Variants in TFAP4 observed in about 807,000 individuals in gnomAD.
TFAP4 encodes transcription factor AP-4, also known as activating enhancer-binding protein 4.
A neutral mutation model predicts 40.4 loss-of-function variants in TFAP4; 7 were observed. That is an observed-to-expected ratio of 0.17 (90% CI 0.10 to 0.33). TFAP4 has a LOEUF of 0.33. Ranked by LOEUF, TFAP4 falls within the 10% of genes least tolerant of loss-of-function variation. The pLI, the probability that TFAP4 is intolerant of heterozygous loss-of-function variation, is 1.00. For missense variants in TFAP4, 374 were observed against 451.1 expected (o/e 0.83, Z 1.55); for synonymous variants, 218 against 181.4 (o/e 1.20, Z -1.62).
chr16:4,269,821 A>G (rs1033903374), intron 1 of TFAP4, among the ~76,000 whole-genome samples: 1 of 151,766 alleles, frequency 6.6e-6, no homozygotes, highest in Non-Finnish European at 1.5e-5. Flanking sequence ...AAACAAACAA[A>G]CAAACAAACA....
At chr16:4,269,648 A>G (rs1191195533) in intron 1 of TFAP4, among the ~76,000 whole-genome samples, 5 of 151,774 alleles carry the variant, frequency 3.3e-5, no homozygotes, top group Non-Finnish European at 5.9e-5. Flanking sequence ...CGTCTGTACT[A>G]AAAATACAAA....
chr16:4,258,047 G>A lies in TFAP4; in HGVS notation c.*8C>T, dbSNP rs750531933. Reference sequence around the variant, plus strand: ...CCCCCAGAAGGGAGAGGAGGGCTGGGGGGGTAGTCAGGGAAGCTCCCCGTC... The same window carrying A: ...CCCCCAGAAGGGAGAGGAGGGCTGGAGGGGTAGTCAGGGAAGCTCCCCGTC... On this transcript the variant is annotated 3_prime_UTR_variant, in exon 7 of 7. Transcript: ENST00000204517. 2 of 1,608,666 alleles carry A rather than the reference G, an allele frequency of 1.2e-6. No homozygotes were observed. Among genetic ancestry groups the A allele is most frequent in the African/African-American group, 1.3e-5 (1 of 74,946 alleles).
rs546294800 is a variant in TFAP4, at chr16:4,261,833, C to T, written c.471G>A (p.Glu157=). 1.2e-6 allele frequency: 2 copies of T among 1,612,932 alleles called. No homozygotes were observed. Among genetic ancestry groups the T allele is most frequent in the Non-Finnish European group, 1.7e-6 (2 of 1,179,676 alleles). The change falls in exon 4 of 7, where the codon GAG becomes GAA. Residue 157 remains glutamate (E), a synonymous_variant. Transcript: ENST00000204517. ...GCTCCTTGTCCAGCTGCTGCCGCAG[C>T]TCAATCATCTCCCGCCGCAGGTCCT... ...KAEDLRREMI[E]LRQQLDKERS... is the part of the protein sequence containing the mutation.
rs1319235323 is a variant in TFAP4 at position 4,260,481 on chromosome 16, G to T, written c.640C>A (p.Arg214=). 33 of 1,601,860 alleles carry T rather than the reference G, an allele frequency of 2.1e-5. No homozygotes were observed. Among genetic ancestry groups the T allele is most frequent in the Non-Finnish European group, 2.8e-5 (33 of 1,174,694 alleles). The change falls in exon 5 of 7, where the codon CGG becomes AGG. Residue 214 remains arginine, a synonymous_variant. Coordinates refer to ENST00000204517, the MANE Select transcript of TFAP4 (RefSeq NM_003223.3). The stretch of plus-strand genomic sequence containing the variant: ...TGGGTCCGCAGCTGCTGCTGTTCCC[G>T]CTCCAGCTTCTCCTGGTGCAGCAGC... ...VRLLHQEKLE[R]EQQQLRTQLL... is the part of the protein sequence containing the mutation.
intron 1 of TFAP4, among the ~76,000 whole-genome samples, chr16:4,268,528 C>G (rs1306435137): frequency 6.6e-6 from 1 of 152,042 alleles, no homozygotes; most frequent in Non-Finnish European, 1.5e-5. Context: ...CACTCCAAAG[C>G]CTTCAATTTT....
Position 4,260,507 on chromosome 16 carries a change from C to T in TFAP4, c.614G>A (p.Arg205Lys). ...VQLQQQQEQV[R>K]LLHQEKLERE... ...CTCCAGCTTCTCCTGGTGCAGCAGC[C>T]TCACCTGTTCCTGCTGCTGCTGCAG... The change falls in exon 5 of 7, where the codon AGG becomes AAG. Residue 205 changes from arginine to lysine, a missense_variant. Coordinates refer to ENST00000204517, the MANE Select transcript of TFAP4 (RefSeq NM_003223.3). The T allele has an allele frequency of 6.2e-7, 1 of 1,609,226 alleles. No homozygotes were observed. Among genetic ancestry groups the T allele is most frequent in the African/African-American group, 1.3e-5 (1 of 74,942 alleles).
chr16:4,261,704 C>G, intron 4 of TFAP4, 75 bp downstream of exon 4: 1 of 1,446,102 alleles, frequency 6.9e-7, no homozygotes, highest in East Asian at 2.4e-5. Flanking sequence ...CCGAGGGCCG[C>G]AGAGCAAGAG....
In TFAP4 at chr16:4,257,982, C is replaced by T; in HGVS notation, c.*73G>A. 2.8e-6 allele frequency: 4 copies of T among 1,423,044 alleles called. No individual in the cohort carries two copies. Among genetic ancestry groups the T allele is most frequent in the Non-Finnish European group, 3.8e-6 (4 of 1,050,580 alleles). The allele number at this position is 1,423,044 out of a possible 1,614,324, so 88.2% of individuals were successfully genotyped here. On this transcript the variant is annotated 3_prime_UTR_variant, in exon 7 of 7. Transcript: ENST00000204517. ...ATTTTGTAAAAATTTCTCACTCATT[C>T]GCCCATGTCTCTCCCTGTGGCTGCC...
At chr16:4,269,289 C>G (rs945132838) in intron 1 of TFAP4, among the ~76,000 whole-genome samples, 2 of 151,466 alleles carry the variant, frequency 1.3e-5, no homozygotes, top group African/African-American at 4.8e-5. Flanking sequence ...GTCAGGAGAT[C>G]GAGACCATCC....
chr16:4,258,048 G>T lies in TFAP4; in HGVS notation c.*7C>A, dbSNP rs780573227. ...CCCCAGAAGGGAGAGGAGGGCTGGG[G>T]GGGTAGTCAGGGAAGCTCCCCGTCC... On this transcript the variant is annotated 3_prime_UTR_variant, in exon 7 of 7. Transcript: ENST00000204517. The T allele has an allele frequency of 6.2e-6, 10 of 1,608,684 alleles. No homozygotes were observed. The highest frequency in any genetic ancestry group is 1.3e-5 in the African/African-American group (1 of 74,952).
chr16:4,262,306 A>G lies in TFAP4; in HGVS notation c.354+18T>C, dbSNP rs768561016. ...ATGCCCATGCCAGGGAGAGGGAGCC[A>G]TGAAGGACAGGGCGCACCTGGATGA... On this transcript the variant is annotated intron_variant, in intron 3 of 6. Coordinates refer to ENST00000204517, the MANE Select transcript of TFAP4 (RefSeq NM_003223.3). The G allele has an allele frequency of 1.9e-6, 3 of 1,613,378 alleles. No homozygotes were observed. The highest frequency in any genetic ancestry group is 3.3e-5 in the Admixed American group (2 of 60,008).
chr16:4,272,629 A>C, intron 1 of TFAP4, 29 bp downstream of exon 1: 2 of 1,511,724 alleles, frequency 1.3e-6, no homozygotes, highest in Non-Finnish European at 1.8e-6. Context: ...CAGTGGTAGG[A>C]AGGGGGTGGG....
chr16:4,259,965 C>G (rs1223014587), intron 6 of TFAP4, 125 bp downstream of exon 6: 1 of 1,290,444 alleles, frequency 7.7e-7, no homozygotes, highest in Admixed American at 2.7e-5. Flanking sequence ...AGGCTTCCAG[C>G]CCTCCACCCC....
At chr16:4,268,513 A>G (rs2053015777) in intron 1 of TFAP4, among the ~76,000 whole-genome samples, 1 of 152,160 alleles carries the variant, frequency 6.6e-6, no homozygotes, top group South Asian at 2.1e-4. Flanking sequence ...CAGGGACCCA[A>G]TAAACACTCC....
At chr16:4,269,373 G>A (rs1459767501) in intron 1 of TFAP4, among the ~76,000 whole-genome samples, 1 of 151,610 alleles carries the variant, frequency 6.6e-6, no homozygotes, top group African/African-American at 2.4e-5. Flanking sequence ...GGCGCCTGTA[G>A]TCCCAGCTAC....
intron 1 of TFAP4, chr16:4,266,245 G>T (rs527777657): frequency 6.6e-6 from 1 of 152,316 alleles, no homozygotes; most frequent in African/African-American, 2.4e-5. Flanking sequence ...AGAATCTGCC[G>T]GCCCAGCTTC....
chr16:4,260,826 C>T (rs1194770083), intron 4 of TFAP4, among the ~76,000 whole-genome samples: 1 of 152,258 alleles, frequency 6.6e-6, no homozygotes, highest in Non-Finnish European at 1.5e-5. Context: ...ATGCTATTCC[C>T]TCTGCCGGGA....
chr16:4,260,947 C>T (rs147954237), intron 4 of TFAP4, among the ~76,000 whole-genome samples: 83 of 152,302 alleles, frequency 5.4e-4, no homozygotes, highest in African/African-American at 1.6e-3. Context: ...TCCAGCCTGG[C>T]CTTCAATATG....
chr16:4,263,010 C>CA (rs1051864040), intron 1 of TFAP4: 8 of 332,940 alleles, frequency 2.4e-5, no homozygotes, highest in African/African-American at 1.5e-4. Flanking sequence ...CCTGTCTCTA[C>CA]AAAAAAATAA....
Sources: allele counts gnomAD v4.1 joint callset (sites outside exome capture counted in the v4.1 genomes callset), GRCh38; gene constraint gnomAD v4.1.1; transcripts MANE v1.5; gene names NCBI Gene and HGNC (gene_info 2026-07-23, HGNC 2026-07-21).